Variants in SOX13 observed in about 807,000 individuals in gnomAD.
SOX13 encodes SRY-box transcription factor 13, also known as transcription factor SOX-13.
A neutral mutation model predicts 71.8 loss-of-function variants in SOX13; 28 were observed. The observed-to-expected ratio is 0.39, with a 90% CI of 0.29 to 0.53. The LOEUF (loss-of-function observed/expected upper bound fraction) is 0.53. Among genes scored for constraint, SOX13 ranks in the 20% least tolerant of loss-of-function variants. The pLI, the probability that SOX13 is intolerant of heterozygous loss-of-function variation, is 0.70. For synonymous variants in SOX13, 309 were observed against 317.8 expected, an observed-to-expected ratio of 0.97 and a Z score of 0.29; for missense variants, 627 against 810.3, an observed-to-expected ratio of 0.77 and a Z score of 2.75.
At chr1:204,092,901 C>T (rs1423359628) in intron 1 of SOX13, among the ~76,000 whole-genome samples, 2 of 35,466 alleles carry the variant, frequency 5.6e-5, no homozygotes, top group Non-Finnish European at 4.7e-5. Flanking sequence ...TCTGTGTTTC[C>T]GCTTCCTAAC....
At chr1:204,079,172 C>T (rs549490920) in intron 1 of SOX13, among the ~76,000 whole-genome samples, 16 of 151,932 alleles carry the variant, frequency 1.1e-4, no homozygotes, top group Non-Finnish European at 2.1e-4. Context: ...GAGGCGTGTG[C>T]CTGTAGTCCC....
chr1:204,121,101 T>C (rs1656793737), intron 7 of SOX13, among the ~76,000 whole-genome samples: 1 of 151,896 alleles, frequency 6.6e-6, no homozygotes, highest in South Asian at 2.1e-4. Context: ...TGCCTCAGCC[T>C]CCTGAATATC....
chr1:204,111,729 A>G (rs564541782), intron 1 of SOX13, among the ~76,000 whole-genome samples: 1 of 130,660 alleles, frequency 7.7e-6, no homozygotes, highest in Non-Finnish European at 1.6e-5. Context: ...TTTTTTAAAG[A>G]GATGGGAGTC....
At chr1:204,112,501 GCACACACA>G (rs6143576) in intron 1 of SOX13, among the ~76,000 whole-genome samples, 10 of 57,884 alleles carry the variant, frequency 1.7e-4, no homozygotes, top group African/African-American at 3.6e-4. Context: ...ACACATGCGT[GCACACACA>G]CACACACACA....
intron 1 of SOX13, among the ~76,000 whole-genome samples, chr1:204,078,704 C>T (rs1350247051): frequency 6.6e-6 from 1 of 152,144 alleles, no homozygotes; most frequent in African/African-American, 2.4e-5. Flanking sequence ...CTGTCAGCTC[C>T]CTGCCCCGAA....
intron 7 of SOX13, chr1:204,118,050 G>A: frequency 5.1e-6 from 1 of 197,968 alleles, no homozygotes; most frequent in Non-Finnish European, 1.0e-5. Flanking sequence ...ACTTTGGGAG[G>A]CCGAAGTGGG....
At chr1:204,117,934 T>G in intron 7 of SOX13, 1 of 558,316 alleles carries the variant, frequency 1.8e-6, no homozygotes, top group South Asian at 2.3e-5. Flanking sequence ...TGTAAAATGA[T>G]GTAGCAATCC....
At chr1:204,103,417 A>T (rs1310837812) in intron 1 of SOX13, among the ~76,000 whole-genome samples, 1 of 152,234 alleles carries the variant, frequency 6.6e-6, no homozygotes, top group African/African-American at 2.4e-5. Flanking sequence ...GCCTGAGTTC[A>T]AATGCTACTT....
In SOX13 at chr1:204,117,716, G is replaced by C. The variant is rs1164341569; in HGVS notation, c.775+9G>C. On this transcript the variant is annotated intron_variant, in intron 7 of 13. Coordinates refer to ENST00000367204, the MANE Select transcript of SOX13 (RefSeq NM_005686.3). ...CATTCCCTGCAAACCAGGTGAGTGT[G>C]AGAAGGGAGGTTCCACCACTGCGGC... is the stretch of plus-strand genomic sequence containing the variant. The C allele has an allele frequency of 6.3e-7, 1 of 1,586,918 alleles. No individual in the cohort carries two copies. The highest frequency in any genetic ancestry group is 1.1e-5 in the South Asian group (1 of 89,442).
At chr1:204,094,460 C>T (rs561226393) in intron 1 of SOX13, among the ~76,000 whole-genome samples, 18 of 152,312 alleles carry the variant, frequency 1.2e-4, no homozygotes, top group Admixed American at 7.8e-4. Flanking sequence ...AGCTGGGCAC[C>T]TTCAGTGACC....
chr1:204,079,688 T>G (rs1220470377), intron 1 of SOX13, among the ~76,000 whole-genome samples: 1 of 152,050 alleles, frequency 6.6e-6, no homozygotes, highest in African/African-American at 2.4e-5. Context: ...CTACTCCAGG[T>G]GGCTCTCCCG....
chr1:204,108,402 C>A (rs1257875846), intron 1 of SOX13, among the ~76,000 whole-genome samples: 1 of 152,184 alleles, frequency 6.6e-6, no homozygotes, highest in Admixed American at 6.5e-5. Context: ...GCCGTGCAGT[C>A]CTAGGGTTAA....
intron 1 of SOX13, among the ~76,000 whole-genome samples, chr1:204,105,461 AGC>A (rs1656451173): frequency 7.0e-6 from 1 of 142,480 alleles, no homozygotes; most frequent in Non-Finnish European, 1.5e-5. Context: ...GCTGGAGTGC[AGC>A]AGTGCAATCT....
At chr1:204,101,817 C>T (rs535012731) in intron 1 of SOX13, among the ~76,000 whole-genome samples, 1 of 152,328 alleles carries the variant, frequency 6.6e-6, no homozygotes, top group Admixed American at 6.5e-5. Context: ...CCCTTCACCT[C>T]CTAATCTAGA....
At chr1:204,114,901 C>T (rs908457002) in intron 4 of SOX13, among the ~76,000 whole-genome samples, 3 of 152,174 alleles carry the variant, frequency 2.0e-5, no homozygotes, top group Non-Finnish European at 4.4e-5. Flanking sequence ...CGAGTCTAAC[C>T]GCAAAATGAG....
At chr1:204,078,774 G>C (rs1655835477) in intron 1 of SOX13, among the ~76,000 whole-genome samples, 1 of 152,166 alleles carries the variant, frequency 6.6e-6, no homozygotes, top group Admixed American at 6.6e-5. Context: ...CTTTTGACTG[G>C]CCCTTCCTTA....
At chr1:204,112,514 C>CAA (rs1656600358) in intron 1 of SOX13, among the ~76,000 whole-genome samples, 1 of 110,274 alleles carries the variant, frequency 9.1e-6, no homozygotes, top group Non-Finnish European at 2.0e-5. Flanking sequence ...CACACACACA[C>CAA]ACACACACAC....
chr1:204,122,594 G>A (rs1656831735), intron 9 of SOX13, 195 bp downstream of exon 9: 2 of 606,724 alleles, frequency 3.3e-6, no homozygotes, highest in African/African-American at 3.7e-5. Context: ...AAGCATCAGG[G>A]ATTCAGGCCA....
intron 4 of SOX13, among the ~76,000 whole-genome samples, chr1:204,115,353 G>A (rs1656666327): frequency 6.6e-6 from 1 of 151,764 alleles, no homozygotes; most frequent in African/African-American, 2.4e-5. Flanking sequence ...CACCCACAGA[G>A]GGAACTTTAA....
Sources: allele counts gnomAD v4.1 joint callset (sites outside exome capture counted in the v4.1 genomes callset), GRCh38; gene constraint gnomAD v4.1.1; transcripts MANE v1.5; gene names NCBI Gene and HGNC (gene_info 2026-07-23, HGNC 2026-07-21).